The following BRF1 variants were observed in gnomAD, a reference collection of about 807,000 sequenced individuals.
BRF1 encodes the protein transcription factor IIIB 90 kDa subunit.
BRF1 carries 59 observed loss-of-function variants against 81.7 expected under a neutral mutation model. The ratio of observed to expected loss-of-function variants is 0.72; its 90% CI spans 0.59 to 0.90. BRF1 has a LOEUF of 0.90. Among genes scored for constraint, BRF1 ranks in the 40% least tolerant of loss-of-function variants. The pLI, the probability that BRF1 is intolerant of heterozygous loss-of-function variation, is 0.00. For synonymous variants in BRF1, 491 were observed against 395.6 expected, an observed-to-expected ratio of 1.24 and a Z score of -2.86; for missense variants, 1,050 against 936.3, an observed-to-expected ratio of 1.12 and a Z score of -1.58.
intron 7 of BRF1, chr14:105,227,716 T>TG (rs1351677034): frequency 1.1e-4 from 17 of 152,424 alleles, no homozygotes; most frequent in African/African-American, 4.1e-4. Context: ...CCTGCAGGCC[T>TG]GTGAGCCATG....
chr14:105,245,757 TA>T (rs1236143905), intron 5 of BRF1, among the ~76,000 whole-genome samples: 1 of 152,074 alleles, frequency 6.6e-6, no homozygotes, highest in Middle Eastern at 3.2e-3. Flanking sequence ...CCTTACATCA[TA>T]CACAAAAACT....
chr14:105,303,670 T>C (rs139333753), upstream of BRF1, among the ~76,000 whole-genome samples: 687 of 152,386 alleles, frequency 4.5e-3, 3 homozygotes, highest in African/African-American at 0.015. Flanking sequence ...CACATTTCAA[T>C]GTGCTGTGTT....
At chr14:105,248,442 G>T in intron 5 of BRF1, 1 of 985,284 alleles carries the variant, frequency 1.0e-6, no homozygotes, top group Non-Finnish European at 1.2e-6. Flanking sequence ...GCTCGCGCCG[G>T]TTGCTGGGCA....
At chr14:105,270,048 C>A (rs587643713) in intron 3 of BRF1, among the ~76,000 whole-genome samples, 1 of 152,144 alleles carries the variant, frequency 6.6e-6, no homozygotes, top group Non-Finnish European at 1.5e-5. Context: ...GGGACGCGGG[C>A]GTGGGCTCTG....
At position 105,210,652 on chromosome 14, in the gene BRF1, A is replaced by T; in HGVS notation, c.1997-64T>A. The T allele has an allele frequency of 1.3e-6, 2 of 1,553,504 alleles. No homozygotes were observed. Among genetic ancestry groups the T allele is most frequent in the Non-Finnish European group, 8.8e-7 (1 of 1,139,636 alleles). ...GGGACCCAGGAGCCCAGACCCCCCAACCCGCCCTGTTCCTGGTGCCCCCCT... is the reference window on the plus strand; with the variant it reads ...GGGACCCAGGAGCCCAGACCCCCCATCCCGCCCTGTTCCTGGTGCCCCCCT... On this transcript the variant is annotated intron_variant, in intron 17 of 17. Transcript: ENST00000547530. This position sits in a 1 kb window ranked among gnomAD's most constrained non-coding sequence, Gnocchi z 4.7.
chr14:105,273,316 A>G (rs2056740431), intron 2 of BRF1, among the ~76,000 whole-genome samples: 1 of 152,176 alleles, frequency 6.6e-6, no homozygotes. Flanking sequence ...CCAACCGCAC[A>G]GAGTCTGGGT....
Position 105,211,301 on chromosome 14 carries a change from G to C in BRF1, c.1825-8C>G. ...AGAGCTTGGGAGCAAAGCCTGGAAC[G>C]AAGTGGGGCTCTGACACACACAGAG... On this transcript the variant is annotated splice_region_variant and splice_polypyrimidine_tract_variant and intron_variant, in intron 16 of 17. Transcript: ENST00000547530. The C allele has an allele frequency of 6.3e-7, 1 of 1,584,736 alleles. No individual in the cohort carries two copies. Among genetic ancestry groups the C allele is most frequent in the Non-Finnish European group, 8.6e-7 (1 of 1,165,046 alleles).
At chr14:105,261,238 A>G (rs2735812) in intron 3 of BRF1, among the ~76,000 whole-genome samples, 38,516 of 152,160 alleles carry the variant, frequency 0.25, 5,130 homozygotes, top group South Asian at 0.29. Flanking sequence ...CGGGAGCACA[A>G]TAGAGGGCAG....
Position 105,220,145 on chromosome 14 carries a change from A to T in BRF1, c.1316-15T>A. 6.2e-7 allele frequency: 1 copy of T among 1,613,258 alleles called. No homozygotes were observed. The highest frequency in any genetic ancestry group is 1.1e-5 in the South Asian group (1 of 91,082). On this transcript the variant is annotated splice_polypyrimidine_tract_variant and intron_variant, in intron 11 of 17. Coordinates refer to ENST00000547530, the MANE Select transcript of BRF1 (RefSeq NM_001519.4). ...TGAAGCATCTTCTGGAGGGAAGCAC[A>T]GCATCCGCGTCACTCAGGGCCAGCA...
Position 105,221,739 on chromosome 14 carries a change from C to T in BRF1, c.1224G>A (p.Leu408=). The T allele has an allele frequency of 6.2e-7, 1 of 1,610,512 alleles. No homozygotes were observed. Among genetic ancestry groups the T allele is most frequent in the Non-Finnish European group, 8.5e-7 (1 of 1,179,514 alleles). ...SPEWGGRPPA[L]GSLLDPLPTA... is the part of the protein sequence containing the mutation. ...TGGGGAGGGGGTCCAGCAGGGACCC[C>T]AGGGCCGGAGGTCTGCCGCCCCACT... is the stretch of plus-strand genomic sequence containing the variant. Residue 408 remains leucine, a synonymous_variant, in exon 11 of 18, where the codon CTG becomes CTA. Transcript: ENST00000547530.
intron 5 of BRF1, chr14:105,249,279 G>A: frequency 1.3e-6 from 2 of 1,552,978 alleles, no homozygotes; most frequent in Non-Finnish European, 1.7e-6. Flanking sequence ...CGGAACGCGT[G>A]CCCCGTCCGC....
chr14:105,310,049 G>T (rs1209772768), intron 1 of BRF1, among the ~76,000 whole-genome samples: 2 of 151,800 alleles, frequency 1.3e-5, no homozygotes, highest in East Asian at 3.9e-4. Context: ...CTCCCAAAGT[G>T]CTGGGATTAC....
intron 15 of BRF1, among the ~76,000 whole-genome samples, chr14:105,216,125 C>G (rs1891245560): frequency 6.6e-6 from 1 of 152,184 alleles, no homozygotes; most frequent in Non-Finnish European, 1.5e-5. Context: ...TGCATGCACA[C>G]AGATACAGGC....
intron 4 of BRF1, among the ~76,000 whole-genome samples, chr14:105,254,136 G>A (rs1386944449): frequency 2.6e-5 from 4 of 152,188 alleles, no homozygotes; most frequent in Admixed American, 2.6e-4. Flanking sequence ...CCAACCTTGT[G>A]TCCCAGAGAC....
intron 3 of BRF1, among the ~76,000 whole-genome samples, chr14:105,267,492 T>C (rs2056471234): frequency 6.6e-6 from 1 of 152,002 alleles, no homozygotes; most frequent in Non-Finnish European, 1.5e-5. Flanking sequence ...CTTTTTCTTT[T>C]GTAGAGACGG....
intron 1 of BRF1, among the ~76,000 whole-genome samples, chr14:105,307,653 A>ATGGCCTTC (rs1183204351): frequency 6.6e-6 from 1 of 152,214 alleles, no homozygotes; most frequent in African/African-American, 2.4e-5. Flanking sequence ...GCAAGCTTCT[A>ATGGCCTTC]TGGCCTTCTC....
At chr14:105,241,781 G>A (rs587734766) in intron 5 of BRF1, 3 of 276,354 alleles carry the variant, frequency 1.1e-5, no homozygotes, top group Admixed American at 4.4e-5. Context: ...CTTAGAGCAA[G>A]ACAGGCGTGG....
At chr14:105,211,616 T>G (rs994437080) in intron 16 of BRF1, 31 of 380,446 alleles carry the variant, frequency 8.1e-5, no homozygotes, top group African/African-American at 6.2e-4. Context: ...CACTGTGGCC[T>G]CAGCCCCCGG....
chr14:105,211,957 T>G, intron 16 of BRF1, 156 bp downstream of exon 16: 1 of 1,158,238 alleles, frequency 8.6e-7, no homozygotes, highest in Non-Finnish European at 1.2e-6. Flanking sequence ...CCCTCGGGCC[T>G]CGATTCTCTG....
Sources: gnomAD v4.1 joint callset for allele counts (sites outside exome capture counted in the v4.1 genomes callset) on GRCh38, gnomAD v4.1.1 for gene constraint, Gnocchi (gnomAD v3.1) non-coding constraint, MANE v1.5 for transcripts, NCBI Gene and HGNC (gene_info 2026-07-23, HGNC 2026-07-21) for gene names.